PDE9A: variants seen among roughly 807,000 people sequenced by gnomAD.
PDE9A encodes phosphodiesterase 9A.
A neutral mutation model predicts 87.4 loss-of-function variants in PDE9A; 60 were observed. That is an observed-to-expected ratio of 0.69 (90% CI 0.56 to 0.85). PDE9A has a LOEUF of 0.85. Ranked by LOEUF, PDE9A falls within the 40% of genes least tolerant of loss-of-function variation. The pLI, the probability that PDE9A is intolerant of heterozygous loss-of-function variation, is 0.00. For synonymous variants in PDE9A, 272 were observed against 279.4 expected (o/e 0.97, Z 0.27); for missense variants, 665 against 779.0 (o/e 0.85, Z 1.74).
At chr21:42,735,909 C>T (rs1402568390) in intron 7 of PDE9A, among the ~76,000 whole-genome samples, 1 of 152,196 alleles carries the variant, frequency 6.6e-6, no homozygotes, top group East Asian at 1.9e-4. Flanking sequence ...CTCAGCTCTC[C>T]ACCAAGCCCC....
intron 1 of PDE9A, among the ~76,000 whole-genome samples, chr21:42,670,250 T>G (rs958636245): frequency 1.8e-5 from 2 of 108,342 alleles, no homozygotes; most frequent in African/African-American, 1.1e-4. Flanking sequence ...CTCATACACA[T>G]ACATACATTC....
rs1569207100 is a variant in PDE9A at position 42,726,607 on chromosome 21, TA to T, written c.263-5162del. ...CCACGCCTGGCCATATATATATATATATATATATATATATATATTTTTTTTT... is the reference window on the plus strand; with the variant it reads ...CCACGCCTGGCCATATATATATATATTATATATATATATATATTTTTTTTT... On this transcript the variant is annotated intron_variant, in intron 4 of 19. Transcript: ENST00000291539. Among the ~76,000 whole-genome samples the T allele has an allele frequency of 1.6e-3, 37 of 22,858 alleles. 2 individuals are homozygous for T. Among genetic ancestry groups the T allele is most frequent in the African/African-American group, 0.012 (35 of 2,906 alleles). 15.0% of individuals were successfully genotyped at this position (22,858 alleles called of 152,430 possible). A position where few individuals can be genotyped will look rare whatever the true frequency, so the allele number is the denominator to read the frequency against.
chr21:42,677,799 C>T (rs752485798), intron 1 of PDE9A, among the ~76,000 whole-genome samples: 20 of 152,148 alleles, frequency 1.3e-4, no homozygotes, highest in Non-Finnish European at 2.5e-4. Flanking sequence ...CATGCCCCCA[C>T]GCCCAGCTAA....
chr21:42,675,270 A>C lies in PDE9A; in HGVS notation c.70-10922A>C, dbSNP rs1479533558. Among the ~76,000 whole-genome samples the C allele has an allele frequency of 1.3e-5, 2 of 152,226 alleles. No homozygotes were observed. The highest frequency in any genetic ancestry group is 2.9e-5 in the Non-Finnish European group (2 of 68,040). ...AAGTTCCATCATGGAGGCTCACTAA[A>C]ATGTAATCACTTCATTGTTTATGAG... On this transcript the variant is annotated intron_variant, in intron 1 of 19. Transcript: ENST00000291539. This position sits in a 1 kb window ranked among gnomAD's most constrained non-coding sequence, Gnocchi z 4.3.
intron 1 of PDE9A, among the ~76,000 whole-genome samples, chr21:42,680,436 G>C (rs367909768): frequency 2.1e-3 from 321 of 152,326 alleles, no homozygotes; most frequent in African/African-American, 5.9e-3. Context: ...CTGTGACCCT[G>C]GGTCCCCCAC....
Position 42,759,706 on chromosome 21 carries a change from G to T in PDE9A, c.897+621G>T, listed in dbSNP as rs769510985. On this transcript the variant is annotated intron_variant, in intron 11 of 19. Transcript: ENST00000291539. The surrounding 1 kb of genome is among the most constrained non-coding windows in gnomAD (Gnocchi z 7.2). ...ATATCTGGATGTGGGGTGTGTCTGT[G>T]TGTGGGTGTGTGTGAGGGTGTGTGT... Among the ~76,000 whole-genome samples, 12 of 151,158 alleles carry T rather than the reference G, an allele frequency of 7.9e-5. No individual in the cohort carries two copies. Among genetic ancestry groups the T allele is most frequent in the Non-Finnish European group, 1.8e-4 (12 of 67,714 alleles).
rs1312784035 is a variant in PDE9A, at chr21:42,692,042, G to A, written c.218+4048G>A. Among the ~76,000 whole-genome samples, 4 of 152,198 alleles carry A rather than the reference G, an allele frequency of 2.6e-5. No individual in the cohort carries two copies. Among genetic ancestry groups the A allele is most frequent in the African/African-American group, 9.6e-5 (4 of 41,454 alleles). On this transcript the variant is annotated intron_variant, in intron 3 of 19. Transcript: ENST00000291539. This position sits in a 1 kb window ranked among gnomAD's most constrained non-coding sequence, Gnocchi z 4.3. Reference sequence around the variant, plus strand: ...CCCTCAGTGTGCGCCTCAGTCTGAAGTGATCTCACTTACTTGTTTGAGGTT... The same window carrying A: ...CCCTCAGTGTGCGCCTCAGTCTGAAATGATCTCACTTACTTGTTTGAGGTT...
chr21:42,753,005 C>CT (rs199870836), intron 9 of PDE9A, among the ~76,000 whole-genome samples: 1 of 123,156 alleles, frequency 8.1e-6, no homozygotes, highest in African/African-American at 2.8e-5. Flanking sequence ...CTTTATTGCC[C>CT]TTTTTTTATT....
chr21:42,764,541 C>A (rs911332954), intron 14 of PDE9A, among the ~76,000 whole-genome samples: 1 of 152,116 alleles, frequency 6.6e-6, no homozygotes, highest in Non-Finnish European at 1.5e-5. Flanking sequence ...TGAGCCATGT[C>A]GGAGAGCATC....
At chr21:42,715,958 A>T (rs554005034) in intron 4 of PDE9A, among the ~76,000 whole-genome samples, 1 of 151,826 alleles carries the variant, frequency 6.6e-6, no homozygotes, top group South Asian at 2.1e-4. Flanking sequence ...CTGTCTCCAT[A>T]GTTTGGCCTT....
chr21:42,678,048 A>T (rs2058951435), intron 1 of PDE9A, among the ~76,000 whole-genome samples: 1 of 152,278 alleles, frequency 6.6e-6, no homozygotes, highest in South Asian at 2.1e-4. Flanking sequence ...TGCCAATCCA[A>T]ACTAGAGTCT....
intron 4 of PDE9A, among the ~76,000 whole-genome samples, chr21:42,724,057 T>G (rs1427911046): frequency 6.6e-6 from 1 of 152,206 alleles, no homozygotes; most frequent in African/African-American, 2.4e-5. Flanking sequence ...AACTGTTTGT[T>G]GCCCCCAGAA....
Position 42,760,785 on chromosome 21 carries a change from G to C in PDE9A, c.1003-40G>C. 1 of 1,147,936 alleles carries C rather than the reference G, an allele frequency of 8.7e-7. No individual in the cohort carries two copies. Among genetic ancestry groups the C allele is most frequent in the Non-Finnish European group, 1.3e-6 (1 of 756,522 alleles). 71.1% of individuals were successfully genotyped at this position (1,147,936 alleles called of 1,614,324 possible). A position where few individuals can be genotyped will look rare whatever the true frequency, so the allele number is the denominator to read the frequency against. On this transcript the variant is annotated intron_variant, in intron 12 of 19. Transcript: ENST00000291539. The surrounding 1 kb of genome is among the most constrained non-coding windows in gnomAD (Gnocchi z 5.2). ...CCCCTCACCCCATCCCACCCTCCGA[G>C]TGAAGAGAGCAAACACCTACGCCCT...
intron 8 of PDE9A, among the ~76,000 whole-genome samples, chr21:42,746,866 G>T (rs774782226): frequency 1.3e-5 from 2 of 152,170 alleles, no homozygotes; most frequent in Non-Finnish European, 2.9e-5. Context: ...AACCCACAGC[G>T]CCATAAACCA....
intron 4 of PDE9A, among the ~76,000 whole-genome samples, chr21:42,726,618 ATATATATT>A (rs1569207407): frequency 1.2e-3 from 28 of 23,046 alleles, no homozygotes; most frequent in Middle Eastern, 0.018. Flanking sequence ...ATATATATAT[ATATATATT>A]TTTTTTTTTT....
intron 1 of PDE9A, among the ~76,000 whole-genome samples, chr21:42,658,632 G>T (rs985580560): frequency 6.6e-6 from 1 of 152,196 alleles, no homozygotes; most frequent in Non-Finnish European, 1.5e-5. Flanking sequence ...GTGCAGGGCT[G>T]CGTCCCCCGG....
rs2060294252 is a variant in PDE9A, at chr21:42,698,962, T to C, written c.219-6T>C. The C allele has an allele frequency of 5.0e-6, 8 of 1,611,850 alleles. No individual in the cohort carries two copies. The highest frequency in any genetic ancestry group is 6.8e-6 in the Non-Finnish European group (8 of 1,178,044). Reference sequence around the variant, plus strand: ...TCTCACAGCGGCACTGTCTTCTCTTTTGCAGCACTCCGTACAAAGTGAGAC... The same window carrying C: ...TCTCACAGCGGCACTGTCTTCTCTTCTGCAGCACTCCGTACAAAGTGAGAC... On this transcript the variant is annotated splice_region_variant and splice_polypyrimidine_tract_variant and intron_variant, in intron 3 of 19. Coordinates refer to ENST00000291539, the MANE Select transcript of PDE9A (RefSeq NM_002606.3).
In PDE9A at chr21:42,759,961, A is replaced by G. The variant is rs991326804; in HGVS notation, c.898-367A>G. The stretch of plus-strand genomic sequence containing the variant: ...ATATTAAAAGCCTATTAAAGGTTTC[A>G]TGGTGACTGGGGACCCAGAGCTCCC... On this transcript the variant is annotated intron_variant, in intron 11 of 19. Transcript: ENST00000291539. This position sits in a 1 kb window ranked among gnomAD's most constrained non-coding sequence, Gnocchi z 7.2. Among the ~76,000 whole-genome samples the G allele has an allele frequency of 2.0e-5, 3 of 151,994 alleles. No homozygotes were observed. The highest frequency in any genetic ancestry group is 7.3e-5 in the African/African-American group (3 of 41,340).
At chr21:42,755,329 T>C (rs1056822566) in intron 10 of PDE9A, among the ~76,000 whole-genome samples, 1 of 152,212 alleles carries the variant, frequency 6.6e-6, no homozygotes, top group Non-Finnish European at 1.5e-5. Flanking sequence ...CCTCTTTTCA[T>C]GTGCATGGTC....
Sources: gnomAD v4.1 joint callset for allele counts (sites outside exome capture counted in the v4.1 genomes callset) on GRCh38, gnomAD v4.1.1 for gene constraint, Gnocchi (gnomAD v3.1) non-coding constraint, MANE v1.5 for transcripts, NCBI Gene and HGNC (gene_info 2026-07-23, HGNC 2026-07-21) for gene names.